The following PCDH11Y variants were observed in gnomAD, a reference collection of about 807,000 sequenced individuals.
The protein encoded by PCDH11Y is protocadherin 11 Y-linked.
For synonymous variants in PCDH11Y, 9 were observed against 83.6 expected (o/e 0.11, Z 4.87); for missense variants, 12 against 224.8 (o/e 0.05, Z 6.05).
At chrY:5,612,528 A>C in intron 4 of PCDH11Y, among the ~76,000 whole-genome samples, 1 of 32,511 alleles carries the variant, frequency 3.1e-5, no homozygotes, top group Admixed American at 2.9e-4. Flanking sequence ...TCTGCTGTAC[A>C]TTGTGTCTAT....
intron 4 of PCDH11Y, among the ~76,000 whole-genome samples, chrY:5,623,554 T>C: frequency 3.1e-5 from 1 of 32,125 alleles, no homozygotes; most frequent in East Asian, 8.2e-4. Flanking sequence ...TTTGGTTTCC[T>C]GTTCCTGCAT....
intron 4 of PCDH11Y, among the ~76,000 whole-genome samples, chrY:5,660,934 A>G (rs2053540685): frequency 3.1e-5 from 1 of 31,916 alleles, no homozygotes; most frequent in East Asian, 8.1e-4. Context: ...AAAAAAAACT[A>G]TTCAACAACT....
chrY:5,323,346 C>T (rs2053115343), intron 2 of PCDH11Y, among the ~76,000 whole-genome samples: 1 of 30,421 alleles, frequency 3.3e-5, no homozygotes, highest in Non-Finnish European at 7.8e-5. Flanking sequence ...TACAGGCATG[C>T]GCCACCATAC....
chrY:5,221,963 A>G, intron 2 of PCDH11Y, among the ~76,000 whole-genome samples: 1 of 33,217 alleles, frequency 3.0e-5, no homozygotes, highest in Non-Finnish European at 7.4e-5. Context: ...TGTTCCTTCT[A>G]TATCTAATTT....
At chrY:5,330,068 G>A (rs2053128564) in intron 2 of PCDH11Y, among the ~76,000 whole-genome samples, 2 of 32,918 alleles carry the variant, frequency 6.1e-5, no homozygotes, top group Admixed American at 2.7e-4. Context: ...GGCTGAGTCC[G>A]AAAAGAGAGT....
intron 4 of PCDH11Y, among the ~76,000 whole-genome samples, chrY:5,615,099 G>A (rs2053492074): frequency 3.2e-5 from 1 of 31,738 alleles, no homozygotes; most frequent in Non-Finnish European, 7.6e-5. Context: ...ATCTTCCACC[G>A]AGTCCCTCCC....
chrY:5,676,880 T>C, intron 4 of PCDH11Y, among the ~76,000 whole-genome samples: 3 of 30,390 alleles, frequency 9.9e-5, no homozygotes, highest in African/African-American at 3.9e-4. Context: ...CATATTTTTC[T>C]ATCTTCTTTA....
chrY:5,039,765 G>A, intron 3 of PCDH11Y, among the ~76,000 whole-genome samples: 1 of 32,992 alleles, frequency 3.0e-5, no homozygotes, highest in African/African-American at 1.2e-4. Flanking sequence ...TATAAGCAGT[G>A]CAATAGCTAA....
intron 2 of PCDH11Y, among the ~76,000 whole-genome samples, chrY:5,299,678 T>G: frequency 3.2e-5 from 1 of 31,068 alleles, no homozygotes; most frequent in East Asian, 8.4e-4. Context: ...ACTTTTATTC[T>G]TAGTGGTAAT....
chrY:5,432,447 G>A, intron 2 of PCDH11Y, among the ~76,000 whole-genome samples: 15 of 32,940 alleles, frequency 4.6e-4, no homozygotes, highest in African/African-American at 1.8e-3. Context: ...GATTTTTGCC[G>A]TGCTTTTCTA....
chrY:5,663,032 A>G (rs2053542224), intron 4 of PCDH11Y, among the ~76,000 whole-genome samples: 1 of 31,988 alleles, frequency 3.1e-5, no homozygotes, highest in Admixed American at 2.9e-4. Flanking sequence ...AGAATAACAG[A>G]AGGAAATACT....
chrY:5,149,366 TTGAC>T, intron 2 of PCDH11Y, among the ~76,000 whole-genome samples: 1 of 31,335 alleles, frequency 3.2e-5, no homozygotes, highest in Admixed American at 3.1e-4. Context: ...TATCACATCA[TTGAC>T]TGATTTTTCC....
chrY:5,300,488 T>C (rs2053080703), intron 2 of PCDH11Y, among the ~76,000 whole-genome samples: 1 of 32,461 alleles, frequency 3.1e-5, no homozygotes, highest in African/African-American at 1.2e-4. Context: ...CAAATATGTT[T>C]ACTTCAGACC....
intron 2 of PCDH11Y, among the ~76,000 whole-genome samples, chrY:5,439,250 A>G: frequency 6.1e-5 from 2 of 33,026 alleles, no homozygotes; most frequent in African/African-American, 2.4e-4. Flanking sequence ...ACATACTGCA[A>G]TTACTTGGAA....
chrY:5,412,554 A>T lies in PCDH11Y; in HGVS notation c.3130-88503A>T. Reference sequence around the variant, plus strand: ...ATCCAGCTTTTGCTCATTCAGTATGATGTTGGCTGCGGATATGTCATAGAT... The same window carrying T: ...ATCCAGCTTTTGCTCATTCAGTATGTTGTTGGCTGCGGATATGTCATAGAT... On this transcript the variant is annotated intron_variant, in intron 2 of 4. Transcript: ENST00000400457. Among the ~76,000 whole-genome samples, 8 of 33,404 alleles carry T rather than the reference A, an allele frequency of 2.4e-4. No homozygotes were observed. In the South Asian group the frequency reaches 5.4e-3, roughly 22 times the overall value. 89.6% of individuals were successfully genotyped at this position (33,404 alleles called of 37,273 possible).
At chrY:5,190,949 G>T (rs2124648273) in intron 2 of PCDH11Y, among the ~76,000 whole-genome samples, 1 of 32,889 alleles carries the variant, frequency 3.0e-5, no homozygotes, top group African/African-American at 1.2e-4. Flanking sequence ...TGGGACTATT[G>T]GGTCAGTTTC....
chrY:5,382,399 A>G (rs2053206083), intron 2 of PCDH11Y, among the ~76,000 whole-genome samples: 1 of 33,541 alleles, frequency 3.0e-5, no homozygotes, highest in Non-Finnish European at 7.4e-5. Context: ...AGTGAAGGAT[A>G]TAGATCCATT....
intron 2 of PCDH11Y, among the ~76,000 whole-genome samples, chrY:5,243,218 A>G (rs372330159): frequency 0.049 from 1,677 of 34,091 alleles, no homozygotes; most frequent in Middle Eastern, 0.38. Flanking sequence ...ATAGTGTCTA[A>G]TTATGATGTG....
intron 4 of PCDH11Y, among the ~76,000 whole-genome samples, chrY:5,684,207 A>C: frequency 3.0e-5 from 1 of 33,221 alleles, no homozygotes; most frequent in African/African-American, 1.2e-4. Flanking sequence ...CAGGCATATG[A>C]AAAGGTGCTT....
Sources: gnomAD v4.1 joint callset for allele counts (sites outside exome capture counted in the v4.1 genomes callset) on GRCh38, gnomAD v4.1.1 for gene constraint, MANE v1.5 for transcripts, NCBI Gene and HGNC (gene_info 2026-07-23, HGNC 2026-07-21) for gene names.